CRTC1: variants seen among roughly 807,000 people sequenced by gnomAD.
CRTC1 encodes CREB-regulated transcription coactivator 1.
CRTC1 carries 18 observed loss-of-function variants against 66.1 expected under a neutral mutation model. The observed-to-expected ratio is 0.27, with a 90% CI of 0.19 to 0.40. The LOEUF (loss-of-function observed/expected upper bound fraction) is 0.40. Among genes scored for constraint, CRTC1 ranks in the 10% least tolerant of loss-of-function variants. CRTC1 has a pLI of 1.00. For missense variants in CRTC1, 669 were observed against 887.9 expected (o/e 0.75, Z 3.13); for synonymous variants, 416 against 398.8 (o/e 1.04, Z -0.51).
intron 12 of CRTC1, 147 bp downstream of exon 12, chr19:18,775,133 C>T (rs913358805): frequency 5.1e-6 from 4 of 778,024 alleles, no homozygotes; most frequent in Non-Finnish European, 4.1e-6. Context: ...CGGCCCCCGC[C>T]CCGTCCCATC....
In CRTC1 at chr19:18,700,766, G is replaced by A. The variant is rs936629117; in HGVS notation, c.126+16938G>A. ...GGCTGGGGACACGGGGAGGCCGAGC[G>A]TGTCCGCAAAGACACGCGAGCTGTC... On this transcript the variant is annotated intron_variant, in intron 1 of 13. Transcript: ENST00000321949. 3.9e-5 allele frequency among the ~76,000 whole-genome samples: 6 copies of A among 152,168 alleles called. No individual in the cohort carries two copies. The South Asian group carries it at 6.2e-4, about 16-fold the overall frequency.
chr19:18,694,555 C>T (rs963277323), intron 1 of CRTC1, among the ~76,000 whole-genome samples: 3 of 152,162 alleles, frequency 2.0e-5, no homozygotes, highest in Non-Finnish European at 4.4e-5. Context: ...ACCTCAGCCC[C>T]CTGAGTAGCT....
At chr19:18,709,786 GGGCTGA>G (rs1425270445) in intron 1 of CRTC1, among the ~76,000 whole-genome samples, 12 of 152,304 alleles carry the variant, frequency 7.9e-5, no homozygotes, top group Admixed American at 2.0e-4. Context: ...AGGGCTCCGA[GGGCTGA>G]GGCCGGGGAC....
intron 1 of CRTC1, among the ~76,000 whole-genome samples, chr19:18,696,968 T>C (rs1472845943): frequency 6.6e-6 from 1 of 151,948 alleles, no homozygotes; most frequent in African/African-American, 2.4e-5. Context: ...TTGGAGCTCA[T>C]GGGATAGAAC....
intron 2 of CRTC1, chr19:18,744,054 T>C: frequency 6.2e-7 from 1 of 1,601,536 alleles, no homozygotes. Flanking sequence ...CATCCCGCCT[T>C]TGGGGCCAGG....
At position 18,685,077 on chromosome 19, in the gene CRTC1, T is replaced by C. The variant is rs2052656087; in HGVS notation, c.126+1249T>C. Among the ~76,000 whole-genome samples the C allele has an allele frequency of 3.3e-5, 5 of 152,224 alleles. No homozygotes were observed. The South Asian group carries it at 1.0e-3, about 31-fold the overall frequency. The stretch of plus-strand genomic sequence containing the variant: ...TGGTTTCCAGATTCAGCCACTGATG[T>C]GACTGGCTCAGGTAGACTTAACCTC... On this transcript the variant is annotated intron_variant, in intron 1 of 13. Transcript: ENST00000321949.
At chr19:18,702,877 C>G (rs552267287) in intron 1 of CRTC1, among the ~76,000 whole-genome samples, 9 of 152,232 alleles carry the variant, frequency 5.9e-5, no homozygotes, top group Middle Eastern at 3.4e-3. Context: ...CATAACCCCC[C>G]ACCTGTTTCC....
intron 1 of CRTC1, among the ~76,000 whole-genome samples, chr19:18,692,919 C>A (rs1211450763): frequency 6.8e-6 from 1 of 147,610 alleles, no homozygotes; most frequent in Non-Finnish European, 1.5e-5. Flanking sequence ...ACTAAAAATA[C>A]AAAAAATTAG....
At chr19:18,736,195 G>A (rs1416201648) in intron 1 of CRTC1, among the ~76,000 whole-genome samples, 1 of 152,214 alleles carries the variant, frequency 6.6e-6, no homozygotes, top group Non-Finnish European at 1.5e-5. Context: ...GGGACGCTTG[G>A]AGATCCCTCC....
At chr19:18,716,643 G>A (rs77998696) in intron 1 of CRTC1, among the ~76,000 whole-genome samples, 6,390 of 152,308 alleles carry the variant, frequency 0.042, 243 homozygotes, top group African/African-American at 0.11. Flanking sequence ...GGCATGGCTA[G>A]TATAGGGGCT....
At chr19:18,736,701 G>C (rs901107618) in intron 1 of CRTC1, among the ~76,000 whole-genome samples, 29 of 150,590 alleles carry the variant, frequency 1.9e-4, no homozygotes, top group African/African-American at 6.8e-4. Context: ...TTGAAGCCTA[G>C]AGGTGGAGAG....
intron 1 of CRTC1, among the ~76,000 whole-genome samples, chr19:18,713,239 G>A (rs899339921): frequency 2.6e-5 from 4 of 152,220 alleles, no homozygotes; most frequent in African/African-American, 7.2e-5. Flanking sequence ...ACATCTGGCT[G>A]AAGCACATTC....
At chr19:18,694,106 C>T (rs926030807) in intron 1 of CRTC1, among the ~76,000 whole-genome samples, 1 of 149,712 alleles carries the variant, frequency 6.7e-6, no homozygotes, top group East Asian at 2.0e-4. Context: ...CACTCCCCAG[C>T]CTGGGTAACA....
intron 2 of CRTC1, among the ~76,000 whole-genome samples, chr19:18,744,404 G>A (rs932826266): frequency 2.6e-5 from 4 of 152,308 alleles, no homozygotes; most frequent in East Asian, 1.9e-4. Context: ...TGCCATAGCC[G>A]CGCATCCCCA....
intron 1 of CRTC1, among the ~76,000 whole-genome samples, chr19:18,696,298 G>T (rs1306998295): frequency 6.6e-6 from 1 of 152,178 alleles, no homozygotes; most frequent in Non-Finnish European, 1.5e-5. Context: ...CGAGGAAGGG[G>T]CCCTCAGAGC....
chr19:18,721,878 G>A (rs570208502), intron 1 of CRTC1, among the ~76,000 whole-genome samples: 1 of 152,330 alleles, frequency 6.6e-6, no homozygotes, highest in East Asian at 1.9e-4. Context: ...AGGGGACACA[G>A]GCAACCCACA....
intron 1 of CRTC1, among the ~76,000 whole-genome samples, chr19:18,723,975 G>A (rs1044993903): frequency 1.4e-4 from 22 of 152,198 alleles, no homozygotes; most frequent in Non-Finnish European, 2.4e-4. Flanking sequence ...GCATTCCACC[G>A]TCACCCCAGG....
chr19:18,724,851 CT>C (rs2053710747), intron 1 of CRTC1, among the ~76,000 whole-genome samples: 1 of 131,914 alleles, frequency 7.6e-6, no homozygotes, highest in South Asian at 2.3e-4. Context: ...TGGATATAAC[CT>C]TTTGGGGACA....
intron 3 of CRTC1, 33 bp downstream of exon 3, chr19:18,745,993 C>T: frequency 6.3e-7 from 1 of 1,583,224 alleles, no homozygotes; most frequent in Non-Finnish European, 8.6e-7. Context: ...AGGGTGGGGG[C>T]CAGGCCCTGT....
Sources: gnomAD v4.1 joint callset for allele counts (sites outside exome capture counted in the v4.1 genomes callset) on GRCh38, gnomAD v4.1.1 for gene constraint, MANE v1.5 for transcripts, NCBI Gene and HGNC (gene_info 2026-07-23, HGNC 2026-07-21) for gene names.